The following GPAM variants were observed in gnomAD, a reference collection of about 807,000 sequenced individuals.
GPAM encodes glycerol-3-phosphate acyltransferase, mitochondrial.
In GPAM, 56 loss-of-function variants were observed where a neutral mutation model predicts 105.0. That is an observed-to-expected ratio of 0.53 (90% CI 0.43 to 0.67). The LOEUF is 0.67. GPAM is among the 30% of genes least tolerant of loss of function. The probability of loss-of-function intolerance (pLI) is 0.00; values close to 1 mark genes in which losing one functional copy is unlikely to be tolerated. For synonymous variants in GPAM, 368 were observed against 354.4 expected, an observed-to-expected ratio of 1.04 and a Z score of -0.43; for missense variants, 855 against 989.8, an observed-to-expected ratio of 0.86 and a Z score of 1.83.
chr10:112,163,761 C>T lies in GPAM; in HGVS notation c.1363G>A (p.Ala455Thr), dbSNP rs144512354. 2.5e-6 allele frequency: 4 copies of T among 1,607,362 alleles called. No individual in the cohort carries two copies. The African/African-American group carries it at 4.0e-5, about 16-fold the overall frequency. The change falls in exon 14 of 22, where the codon GCA (alanine) becomes ACA (threonine). Residue 455 changes from alanine to threonine, a missense_variant. Transcript: ENST00000348367. ...CTCCTTCGTAGGGATTCATCTGTTGCATTTCTGGACTCATTAATGGACGTG... is the reference window on the plus strand; with the variant it reads ...CTCCTTCGTAGGGATTCATCTGTTGTATTTCTGGACTCATTAATGGACGTG... ...RDTSINESRN[A>T]TDESLRRRLI...
Position 112,173,030 on chromosome 10 carries a change from G to A in GPAM, c.597C>T (p.Ser199=). The A allele has an allele frequency of 6.2e-7, 1 of 1,610,118 alleles. No individual in the cohort carries two copies. The highest frequency in any genetic ancestry group is 8.5e-7 in the Non-Finnish European group (1 of 1,176,414). ...TGTGAATTTGAATGTTCCAAAAGAAGCTGTTGAACAGTTTTAGCAGCACCC... is the reference window on the plus strand; with the variant it reads ...TGTGAATTTGAATGTTCCAAAAGAAACTGTTGAACAGTTTTAGCAGCACCC... ...TGWVLLKLFN[S]FFWNIQIHKG... The change falls in exon 8 of 22, where the codon AGC becomes AGT. Residue 199 remains serine (S), a synonymous_variant. Transcript: ENST00000348367.
rs368521488 is a variant in GPAM at position 112,177,986 on chromosome 10, T to C, written c.297A>G (p.Thr99=). ...AAACATAAGAAATTTCTTTTTACCT[T>C]GTGTGAGTTTCATTGATATAAATAA... The part of the protein sequence containing the change: ...RNVIYINETH[T]RHRGWLARRL... Residue 99 remains threonine (T), a splice_region_variant and synonymous_variant, in exon 5 of 22, where the codon ACA becomes ACG. Coordinates refer to ENST00000348367, the MANE Select transcript of GPAM (RefSeq NM_001244949.2). 5 of 1,548,444 alleles carry C rather than the reference T, an allele frequency of 3.2e-6. No homozygotes were observed. In the African/African-American group the frequency reaches 6.8e-5, roughly 21 times the overall value.
chr10:112,217,561 G>A (rs1408699340), upstream of GPAM, among the ~76,000 whole-genome samples: 3 of 151,998 alleles, frequency 2.0e-5, no homozygotes, highest in Non-Finnish European at 4.4e-5. Flanking sequence ...AACAAAGCAA[G>A]CGAGAGAGCT....
chr10:112,153,554 A>G lies in GPAM; in HGVS notation c.2483T>C (p.Leu828Pro). ...LLEYILSFVV[L>P] is the part of the protein sequence containing the mutation. ...GCCAGCAGTGCCACACGTTACCTACAGCACCACAAAACTCAGAATATATTC... is the reference window on the plus strand; with the variant it reads ...GCCAGCAGTGCCACACGTTACCTACGGCACCACAAAACTCAGAATATATTC... Residue 828 changes from leucine to proline, a missense_variant, in exon 22 of 22, where the codon CTG becomes CCG. Leu to Pro is a moderately conservative substitution (Grantham distance 98). Transcript: ENST00000348367. The G allele has an allele frequency of 1.2e-6, 2 of 1,614,010 alleles. No homozygotes were observed. Among genetic ancestry groups the G allele is most frequent in the Non-Finnish European group, 1.7e-6 (2 of 1,179,878 alleles).
intron 1 of GPAM, among the ~76,000 whole-genome samples, chr10:112,189,889 A>G (rs1027891673): frequency 2.0e-5 from 3 of 152,140 alleles, no homozygotes; most frequent in African/African-American, 7.2e-5. Context: ...CTCTCGGGTA[A>G]CATTCCTGAT....
rs1473181744 is a variant in GPAM at position 112,157,291 on chromosome 10, T to A, written c.2079A>T (p.Glu693Asp). 1 of 1,613,800 alleles carries A rather than the reference T, an allele frequency of 6.2e-7. No individual in the cohort carries two copies. The highest frequency in any genetic ancestry group is 8.5e-7 in the Non-Finnish European group (1 of 1,179,660). The change falls in exon 19 of 22, where the codon GAA becomes GAT. Residue 693 changes from glutamate to aspartate, a missense_variant. Physicochemically the swap from Glu to Asp is conservative, Grantham distance 45. Coordinates refer to ENST00000348367, the MANE Select transcript of GPAM (RefSeq NM_001244949.2). ...GCTGTTCCTCCCCAAAGTCACTGTC[T>A]TCATCTTCTTCATCACTTCTCCAAG... ...PLSWRSDEEDEDSDFGEEQRD... is the reference protein window; with the variant it reads ...PLSWRSDEEDDDSDFGEEQRD...
chr10:112,173,060 A>C lies in GPAM; in HGVS notation c.567T>G (p.Thr189=), dbSNP rs199701188. 2 of 1,584,710 alleles carry C rather than the reference A, an allele frequency of 1.3e-6. No individual in the cohort carries two copies. The highest frequency in any genetic ancestry group is 2.7e-5 in the African/African-American group (2 of 74,446). Reference sequence around the variant, plus strand: ...TGAACAGTTTTAGCAGCACCCACCCAGTCAGTCTGAAACAAAGTACAAACA... The same window carrying C: ...TGAACAGTTTTAGCAGCACCCACCCCGTCAGTCTGAAACAAAGTACAAACA... The part of the protein sequence containing the change: ...ATVSPAMIRL[T]GWVLLKLFNS... Residue 189 remains threonine, a synonymous_variant, in exon 8 of 22, where the codon ACT becomes ACG. Coordinates refer to ENST00000348367, the MANE Select transcript of GPAM (RefSeq NM_001244949.2).
rs1846919950 is a variant in GPAM, at chr10:112,151,580, A to G, written c.*1970T>C. On this transcript the variant is annotated 3_prime_UTR_variant, in exon 22 of 22. Transcript: ENST00000348367. ...GTACTTCTAGAAAACAAACCAACCA[A>G]AAGGGAAAATAATGCAAGAGAAGCC... 1 of 985,802 alleles carries G rather than the reference A, an allele frequency of 1.0e-6. No homozygotes were observed. The highest frequency in any genetic ancestry group is 1.2e-6 in the Non-Finnish European group (1 of 829,910). 61.1% of individuals were successfully genotyped at this position (985,802 alleles called of 1,614,324 possible). A position where few individuals can be genotyped will look rare whatever the true frequency, so the allele number is the denominator to read the frequency against.
At chr10:112,211,079 C>T (rs1847905782) in intron 1 of GPAM, among the ~76,000 whole-genome samples, 3 of 152,176 alleles carry the variant, frequency 2.0e-5, no homozygotes, top group Non-Finnish European at 4.4e-5. Context: ...GATGTAGTTC[C>T]TGGAAAGGGG....
intron 1 of GPAM, among the ~76,000 whole-genome samples, chr10:112,210,451 G>T (rs931403748): frequency 6.6e-6 from 1 of 152,104 alleles, no homozygotes; most frequent in Non-Finnish European, 1.5e-5. Context: ...AGGCATCGTC[G>T]GCTAAAACAC....
At chr10:112,176,912 C>T (rs1018579473) in intron 5 of GPAM, among the ~76,000 whole-genome samples, 1 of 152,168 alleles carries the variant, frequency 6.6e-6, no homozygotes, top group Admixed American at 6.5e-5. Context: ...GTCATCATAG[C>T]AAATGCGATT....
Position 112,160,867 on chromosome 10 carries a change from C to A in GPAM, c.1496G>T (p.Gly499Val). The change falls in exon 16 of 22, where the codon GGA becomes GTA. Residue 499 changes from glycine to valine, a missense_variant and splice_region_variant. By Grantham distance (109) the Gly-to-Val change is moderately radical. Coordinates refer to ENST00000348367, the MANE Select transcript of GPAM (RefSeq NM_001244949.2). ...ACLLLYRHRQGIDLSTLVEDF... is the reference protein window; with the variant it reads ...ACLLLYRHRQVIDLSTLVEDF... ...TTCGACCAATGTGGAGAGATCAATT[C>A]CCTAAAGAAAGATGGAAACGGTATC... is the stretch of plus-strand genomic sequence containing the variant. 1 of 1,613,072 alleles carries A rather than the reference C, an allele frequency of 6.2e-7. No homozygotes were observed. The highest frequency in any genetic ancestry group is 8.5e-7 in the Non-Finnish European group (1 of 1,179,374).
At chr10:112,157,147 T>C (rs1336428940) in intron 19 of GPAM, 102 bp downstream of exon 19, 15 of 1,025,026 alleles carry the variant, frequency 1.5e-5, no homozygotes, top group Non-Finnish European at 2.2e-5. Flanking sequence ...AGTTGGGGGA[T>C]TCTTTAGATA....
chr10:112,156,967 TGTAG>T (rs1847029284), intron 19 of GPAM: 3 of 582,158 alleles, frequency 5.2e-6, no homozygotes, highest in Non-Finnish European at 9.2e-6. Flanking sequence ...GGGGTGCAGG[TGTAG>T]GTAAACAGGT....
In GPAM at chr10:112,158,624, C is replaced by T. The variant is rs138377365; in HGVS notation, c.1903-231G>A. 3.2e-4 allele frequency among the ~76,000 whole-genome samples: 49 copies of T among 152,266 alleles called. No homozygotes were observed. The Middle Eastern group carries it at 0.027, about 85-fold the overall frequency. ...AAAGTTGGCAGAGCACCCAACACTG[C>T]ACCACCTGCAAGGGGTACTCCTGAG... is the stretch of plus-strand genomic sequence containing the variant. On this transcript the variant is annotated intron_variant, in intron 17 of 21. Coordinates refer to ENST00000348367, the MANE Select transcript of GPAM (RefSeq NM_001244949.2).
At position 112,151,828 on chromosome 10, in the gene GPAM, A is replaced by G; in HGVS notation, c.*1722T>C. ...GGTATCCTCCAAATGTAGCCAAGAA[A>G]AGTGTTCTTCTACCCTAGTCAGTAA... On this transcript the variant is annotated 3_prime_UTR_variant, in exon 22 of 22. Coordinates refer to ENST00000348367, the MANE Select transcript of GPAM (RefSeq NM_001244949.2). The G allele has an allele frequency of 2.0e-6, 2 of 985,204 alleles. No homozygotes were observed. The highest frequency in any genetic ancestry group is 2.4e-6 in the Non-Finnish European group (2 of 829,730). The allele number at this position is 985,204 out of a possible 1,614,324, so 61.0% of individuals were successfully genotyped here.
chr10:112,225,660 T>C, the GPAM span, among the ~76,000 whole-genome samples: 2 of 152,040 alleles, frequency 1.3e-5, no homozygotes, highest in Admixed American at 6.6e-5. Flanking sequence ...CTCTGACCTC[T>C]CCATATAAAA....
In GPAM at chr10:112,152,916, G is replaced by T. The variant is rs1846945748; in HGVS notation, c.*634C>A. On this transcript the variant is annotated 3_prime_UTR_variant, in exon 22 of 22. Coordinates refer to ENST00000348367, the MANE Select transcript of GPAM (RefSeq NM_001244949.2). Reference sequence around the variant, plus strand: ...TCAGTTCCCGACCTAAACTAATATTGTCTGTTTTCACATAGCTCTTAAAAA... The same window carrying T: ...TCAGTTCCCGACCTAAACTAATATTTTCTGTTTTCACATAGCTCTTAAAAA... 2 of 187,816 alleles carry T rather than the reference G, an allele frequency of 1.1e-5. No individual in the cohort carries two copies. The highest frequency in any genetic ancestry group is 1.8e-4 in the South Asian group (1 of 5,456). 11.6% of individuals were successfully genotyped at this position (187,816 alleles called of 1,614,324 possible). A position where few individuals can be genotyped will look rare whatever the true frequency, so the allele number is the denominator to read the frequency against.
chr10:112,151,004 CT>C lies in GPAM; in HGVS notation c.*2545del, dbSNP rs964143140. On this transcript the variant is annotated 3_prime_UTR_variant, in exon 22 of 22. Transcript: ENST00000348367. ...CTACACATTTCCCACTAGTTTTTGC[CT>C]TTGTTTTTCATGCATTTTCAGAGTG... is the stretch of plus-strand genomic sequence containing the variant. The C allele has an allele frequency of 2.0e-6, 2 of 985,596 alleles. No individual in the cohort carries two copies. The highest frequency in any genetic ancestry group is 3.5e-5 in the African/African-American group (2 of 57,222). The allele number at this position is 985,596 out of a possible 1,614,324, so 61.1% of individuals were successfully genotyped here.
Sources: gnomAD v4.1 joint callset for allele counts (sites outside exome capture counted in the v4.1 genomes callset) on GRCh38, gnomAD v4.1.1 for gene constraint, MANE v1.5 for transcripts, NCBI Gene and HGNC (gene_info 2026-07-23, HGNC 2026-07-21) for gene names.